Variants in ENTREP2 observed in about 807,000 individuals in gnomAD.
The protein encoded by ENTREP2 is endosomal transmembrane epsin interactor 2, also known as protein ENTREP2.
chr15:29,194,384 C>T, the ENTREP2 span, among the ~76,000 whole-genome samples: 2,767 of 152,338 alleles, frequency 0.018, 54 homozygotes, highest in African/African-American at 0.048. Flanking sequence ...ACTCCTGCCT[C>T]CTTTGAGCCT....
At chr15:29,244,648 C>T in the ENTREP2 span, among the ~76,000 whole-genome samples, 1 of 152,178 alleles carries the variant, frequency 6.6e-6, no homozygotes, top group South Asian at 2.1e-4. Context: ...TCCGTGAAGA[C>T]AAAAGTGTTA....
At chr15:29,477,746 AG>A in the ENTREP2 span, among the ~76,000 whole-genome samples, 1 of 151,878 alleles carries the variant, frequency 6.6e-6, no homozygotes, top group Non-Finnish European at 1.5e-5. Flanking sequence ...CCCCATACAC[AG>A]GGGAGACTCA....
At chr15:29,326,016 C>T in the ENTREP2 span, among the ~76,000 whole-genome samples, 1 of 152,104 alleles carries the variant, frequency 6.6e-6, no homozygotes, top group African/African-American at 2.4e-5. Context: ...GCAGAAAATG[C>T]ATCTGGCAAA....
the ENTREP2 span, among the ~76,000 whole-genome samples, chr15:29,647,720 A>G: frequency 6.6e-6 from 1 of 152,204 alleles, no homozygotes; most frequent in South Asian, 2.1e-4. Flanking sequence ...ATTTCATTCA[A>G]TATAGAAGAC....
the ENTREP2 span, among the ~76,000 whole-genome samples, chr15:29,301,019 G>C: frequency 1.3e-5 from 2 of 152,308 alleles, no homozygotes; most frequent in African/African-American, 4.8e-5. Flanking sequence ...ATTCATAATG[G>C]AAGTTCTAGG....
At chr15:29,293,078 C>T in the ENTREP2 span, among the ~76,000 whole-genome samples, 1 of 152,242 alleles carries the variant, frequency 6.6e-6, no homozygotes, top group South Asian at 2.1e-4. Context: ...TGGCTCATGG[C>T]CCAACATCCA....
At chr15:29,569,326 T>C in the ENTREP2 span, among the ~76,000 whole-genome samples, 1 of 152,138 alleles carries the variant, frequency 6.6e-6, no homozygotes. Context: ...CCAGAGGCAA[T>C]TTTGCTCAGA....
chr15:29,128,922 G>A, the ENTREP2 span: 1 of 1,217,742 alleles, frequency 8.2e-7, no homozygotes, highest in Non-Finnish European at 1.2e-6. Context: ...CAGCACAGCA[G>A]CCTCCAGTAG....
At chr15:29,552,746 T>C in the ENTREP2 span, among the ~76,000 whole-genome samples, 5 of 152,144 alleles carry the variant, frequency 3.3e-5, no homozygotes, top group African/African-American at 1.2e-4. Context: ...GAGAATCCAA[T>C]TTTTAAATTA....
the ENTREP2 span, among the ~76,000 whole-genome samples, chr15:29,582,473 A>G: frequency 1.3e-5 from 2 of 152,202 alleles, no homozygotes; most frequent in African/African-American, 4.8e-5. Flanking sequence ...TTTTAAGATC[A>G]TAAAGAAATT....
the ENTREP2 span, chr15:29,269,449 T>A: frequency 1.9e-6 from 3 of 1,613,846 alleles, no homozygotes; most frequent in Non-Finnish European, 2.5e-6. Context: ...CACTTTCAGC[T>A]CCAGCTGCTT....
At chr15:29,649,727 C>CAA in the ENTREP2 span, among the ~76,000 whole-genome samples, 5,001 of 66,916 alleles carry the variant, frequency 0.075, 107 homozygotes, top group South Asian at 0.1. Flanking sequence ...TCAACAACAA[C>CAA]AAAAAAAAAA....
the ENTREP2 span, among the ~76,000 whole-genome samples, chr15:29,588,489 CAA>C: frequency 3.7e-4 from 41 of 111,256 alleles, no homozygotes; most frequent in East Asian, 1.6e-3. Context: ...AAAGAGAGAT[CAA>C]GAGAGAGAGA....
chr15:29,311,387 T>C, the ENTREP2 span, among the ~76,000 whole-genome samples: 100 of 152,350 alleles, frequency 6.6e-4, no homozygotes, highest in Middle Eastern at 3.4e-3. Flanking sequence ...CATTGTTTTT[T>C]ATTTTTAAAA....
At chr15:29,646,131 A>T in the ENTREP2 span, among the ~76,000 whole-genome samples, 1 of 152,188 alleles carries the variant, frequency 6.6e-6, no homozygotes, top group Non-Finnish European at 1.5e-5. Context: ...CTGTTCTCTG[A>T]TTCAGAAGAA....
At chr15:29,128,852 C>G in the ENTREP2 span, 3 of 1,550,440 alleles carry the variant, frequency 1.9e-6, no homozygotes, top group African/African-American at 4.1e-5. Context: ...ACCTGCTGAC[C>G]TATACTTGTA....
the ENTREP2 span, chr15:29,136,490 A>G: frequency 6.5e-7 from 1 of 1,548,106 alleles, no homozygotes; most frequent in Non-Finnish European, 8.7e-7. Context: ...AGCAAAGTCC[A>G]GGTGGAGGCC....
chr15:29,432,004 C>T, the ENTREP2 span, among the ~76,000 whole-genome samples: 2 of 152,154 alleles, frequency 1.3e-5, no homozygotes, highest in Non-Finnish European at 2.9e-5. Flanking sequence ...GACAAATTGC[C>T]TGAGATTTCA....
the ENTREP2 span, among the ~76,000 whole-genome samples, chr15:29,618,980 G>A: frequency 1.3e-5 from 2 of 152,232 alleles, no homozygotes; most frequent in East Asian, 1.9e-4. Flanking sequence ...CCCTGGCTGC[G>A]GCTGGAGTGG....
Sources: gnomAD v4.1 joint callset for allele counts (sites outside exome capture counted in the v4.1 genomes callset) on GRCh38, gnomAD v4.1.1 for gene constraint, MANE v1.5 for transcripts, NCBI Gene and HGNC (gene_info 2026-07-23, HGNC 2026-07-21) for gene names.